IKBKB-DT: variants seen among roughly 807,000 people sequenced by gnomAD.
IKBKB-DT encodes the protein IKBKB divergent transcript.
At chr8:42,239,635 T>TG (rs56036653) in intron 3 of IKBKB-DT, among the ~76,000 whole-genome samples, 1 of 54,118 alleles carries the variant, frequency 1.8e-5, no homozygotes, top group Non-Finnish European at 3.9e-5. Context: ...TATATATATA[T>TG]TTATTTATTT....
At chr8:42,268,382 G>A (rs1298825243) in intron 1 of IKBKB-DT, among the ~76,000 whole-genome samples, 6 of 151,676 alleles carry the variant, frequency 4.0e-5, no homozygotes, top group African/African-American at 9.7e-5. Flanking sequence ...TGATCTGCCC[G>A]CCTTGGCCTC....
chr8:42,245,544 G>A (rs1030726454), intron 3 of IKBKB-DT, among the ~76,000 whole-genome samples: 3 of 152,224 alleles, frequency 2.0e-5, no homozygotes. Context: ...CAGCCAGGCA[G>A]AGTAACGCAG....
chr8:42,264,216 A>C (rs1182195812), intron 2 of IKBKB-DT, among the ~76,000 whole-genome samples: 1 of 151,596 alleles, frequency 6.6e-6, no homozygotes, highest in Non-Finnish European at 1.5e-5. Flanking sequence ...TTAAAAATTA[A>C]TTAGAGACAA....
chr8:42,266,774 G>T (rs906715771), intron 1 of IKBKB-DT, among the ~76,000 whole-genome samples: 1 of 152,040 alleles, frequency 6.6e-6, no homozygotes, highest in Non-Finnish European at 1.5e-5. Context: ...ACATCTGGTC[G>T]TCCTCACTGT....
At chr8:42,246,681 A>G (rs1807068473) in intron 3 of IKBKB-DT, among the ~76,000 whole-genome samples, 1 of 152,196 alleles carries the variant, frequency 6.6e-6, no homozygotes, top group South Asian at 2.1e-4. Flanking sequence ...GGGTTAGGAG[A>G]AAACAGCTTC....
At chr8:42,267,004 GTTTTTT>G (rs527900913) in intron 1 of IKBKB-DT, among the ~76,000 whole-genome samples, 1 of 125,606 alleles carries the variant, frequency 8.0e-6, no homozygotes, top group Non-Finnish European at 1.6e-5. Flanking sequence ...TTTTTTTTTT[GTTTTTT>G]TTTTTTTTGA....
At chr8:42,235,089 T>C (rs1191799427) in intron 3 of IKBKB-DT, among the ~76,000 whole-genome samples, 1 of 151,998 alleles carries the variant, frequency 6.6e-6, no homozygotes, top group African/African-American at 2.4e-5. Context: ...CAATTACTTG[T>C]GAAGATAACA....
At chr8:42,259,569 G>A (rs1353619229) in intron 3 of IKBKB-DT, among the ~76,000 whole-genome samples, 1 of 152,148 alleles carries the variant, frequency 6.6e-6, no homozygotes, top group Admixed American at 6.6e-5. Context: ...TAGTAGACAT[G>A]TGATAAACCA....
intron 3 of IKBKB-DT, among the ~76,000 whole-genome samples, chr8:42,240,672 A>G (rs935416103): frequency 2.8e-5 from 4 of 144,034 alleles, no homozygotes; most frequent in Non-Finnish European, 6.0e-5. Flanking sequence ...CTATATTGCC[A>G]CACACCTTGA....
intron 1 of IKBKB-DT, among the ~76,000 whole-genome samples, chr8:42,269,017 T>G (rs1021415288): frequency 1.3e-5 from 2 of 151,676 alleles, no homozygotes; most frequent in Non-Finnish European, 2.9e-5. Flanking sequence ...TAGCTGGGAG[T>G]AATCAAGAAA....
chr8:42,261,710 T>C (rs528802959), intron 3 of IKBKB-DT, among the ~76,000 whole-genome samples: 1 of 152,374 alleles, frequency 6.6e-6, no homozygotes, highest in Admixed American at 6.5e-5. Context: ...CTTGGAAGTG[T>C]GTCCCGGGCT....
At chr8:42,264,519 T>G (rs1320773160) in intron 2 of IKBKB-DT, among the ~76,000 whole-genome samples, 2 of 152,234 alleles carry the variant, frequency 1.3e-5, no homozygotes, top group Non-Finnish European at 2.9e-5. Context: ...TTTATAGATG[T>G]AAATTTCCCT....
intron 3 of IKBKB-DT, among the ~76,000 whole-genome samples, chr8:42,234,802 G>A (rs1036070052): frequency 1.3e-4 from 19 of 151,968 alleles, no homozygotes; most frequent in Non-Finnish European, 1.6e-4. Flanking sequence ...ACTAATTTTT[G>A]TACTTTCAAT....
chr8:42,263,187 A>G (rs1261218491), intron 3 of IKBKB-DT: 1 of 150,810 alleles, frequency 6.6e-6, no homozygotes, highest in East Asian at 2.0e-4. Flanking sequence ...AATTTTTTGT[A>G]TTTTTAGTAG....
chr8:42,267,449 G>A (rs1032979924), intron 1 of IKBKB-DT, among the ~76,000 whole-genome samples: 15 of 152,140 alleles, frequency 9.9e-5, no homozygotes, highest in Non-Finnish European at 1.9e-4. Context: ...GAACAAATCC[G>A]TGTGTGATTT....
chr8:42,260,196 T>C (rs1807265279), intron 3 of IKBKB-DT, among the ~76,000 whole-genome samples: 1 of 152,088 alleles, frequency 6.6e-6, no homozygotes, highest in Non-Finnish European at 1.5e-5. Context: ...ACAGAGTTGG[T>C]TGAGCACATA....
chr8:42,248,724 C>T (rs2129914262), intron 3 of IKBKB-DT, among the ~76,000 whole-genome samples: 1 of 152,004 alleles, frequency 6.6e-6, no homozygotes, highest in South Asian at 2.1e-4. Context: ...ACTGAAAATA[C>T]AAAAAGTGGC....
At chr8:42,266,894 T>C (rs1028776637) in intron 1 of IKBKB-DT, among the ~76,000 whole-genome samples, 1 of 152,014 alleles carries the variant, frequency 6.6e-6, no homozygotes, top group African/African-American at 2.4e-5. Context: ...TTGTTTAGCA[T>C]AAATAAATAA....
intron 3 of IKBKB-DT, among the ~76,000 whole-genome samples, chr8:42,245,689 A>G (rs1233238559): frequency 6.6e-6 from 1 of 152,226 alleles, no homozygotes; most frequent in Non-Finnish European, 1.5e-5. Flanking sequence ...GAAAGGAAAG[A>G]CAGCCCTTAG....
Sources: allele counts gnomAD v4.1 joint callset (sites outside exome capture counted in the v4.1 genomes callset), GRCh38; gene constraint gnomAD v4.1.1; transcripts MANE v1.5; gene names NCBI Gene and HGNC (gene_info 2026-07-23, HGNC 2026-07-21).